PDK3: variants seen among roughly 807,000 people sequenced by gnomAD.
PDK3 encodes pyruvate dehydrogenase kinase, isozyme 3.
A neutral mutation model predicts 32.0 loss-of-function variants in PDK3; 12 were observed. That is an observed-to-expected ratio of 0.37 (90% CI 0.24 to 0.61). The LOEUF (loss-of-function observed/expected upper bound fraction) is 0.61. PDK3 is among the 20% of genes least tolerant of loss of function. The pLI, the probability that PDK3 is intolerant of heterozygous loss-of-function variation, is 0.65. For synonymous variants in PDK3, 122 were observed against 116.3 expected (o/e 1.05, Z -0.31); for missense variants, 188 against 316.9 (o/e 0.59, Z 3.09).
At chrX:24,510,680 C>T (rs953762252) in intron 5 of PDK3, among the ~76,000 whole-genome samples, 3 of 112,036 alleles carry the variant, frequency 2.7e-5, no homozygotes, top group Non-Finnish European at 5.6e-5. Context: ...TGGTAGAAGC[C>T]TCTATCCTGC....
At chrX:24,500,914 A>G (rs1464225704) in intron 3 of PDK3, among the ~76,000 whole-genome samples, 2 of 111,929 alleles carry the variant, frequency 1.8e-5, no homozygotes, top group Non-Finnish European at 3.8e-5. Flanking sequence ...CTCTACTATA[A>G]TGAATCGTTT....
intron 10 of PDK3, among the ~76,000 whole-genome samples, chrX:24,532,671 A>G (rs1228490169): frequency 8.9e-6 from 1 of 112,152 alleles, no homozygotes; most frequent in African/African-American, 3.2e-5. Flanking sequence ...CTGTTCAGCG[A>G]AGATCACCAC....
intron 5 of PDK3, among the ~76,000 whole-genome samples, chrX:24,508,164 G>C (rs1413108316): frequency 8.9e-6 from 1 of 111,734 alleles, no homozygotes; most frequent in African/African-American, 3.3e-5. Flanking sequence ...CATGGCAGAA[G>C]GGTGAAGGGG....
At chrX:24,473,438 T>TATTTATTTATTC (rs1182439602) in intron 1 of PDK3, among the ~76,000 whole-genome samples, 2 of 109,331 alleles carry the variant, frequency 1.8e-5, no homozygotes, top group Non-Finnish European at 3.8e-5. Context: ...TTTATTTATT[T>TATTTATTTATTC]ATTTATTTAC....
intron 1 of PDK3, among the ~76,000 whole-genome samples, chrX:24,470,407 C>T (rs1237135848): frequency 9.0e-6 from 1 of 111,333 alleles, no homozygotes; most frequent in Non-Finnish European, 1.9e-5. Flanking sequence ...TCCTACTTGG[C>T]TAGGCGCGGT....
intron 1 of PDK3, among the ~76,000 whole-genome samples, chrX:24,478,973 C>T (rs1274881360): frequency 3.6e-5 from 4 of 112,093 alleles, no homozygotes. Context: ...AAATATTTTG[C>T]CATGTGTTGC....
chrX:24,505,810 C>T (rs1349215065), intron 5 of PDK3, among the ~76,000 whole-genome samples: 2 of 111,603 alleles, frequency 1.8e-5, no homozygotes, highest in African/African-American at 3.3e-5. Flanking sequence ...CCCTGGTACC[C>T]AGGCACTTTG....
At chrX:24,514,040 T>C (rs1340765582) in intron 5 of PDK3, among the ~76,000 whole-genome samples, 2 of 111,834 alleles carry the variant, frequency 1.8e-5, no homozygotes, top group African/African-American at 6.5e-5. Context: ...TAGTCCAGCC[T>C]CTCATATTTT....
At chrX:24,479,473 A>G (rs746950617) in intron 1 of PDK3, among the ~76,000 whole-genome samples, 3 of 111,544 alleles carry the variant, frequency 2.7e-5, no homozygotes, top group Non-Finnish European at 5.6e-5. Flanking sequence ...CAGTGAAGCT[A>G]TTGGAGAAGG....
downstream of PDK3, among the ~76,000 whole-genome samples, chrX:24,537,282 ATTTTTTTTTTTT>A (rs1167543267): frequency 3.0e-5 from 2 of 65,684 alleles, no homozygotes; most frequent in Non-Finnish European, 5.7e-5. Context: ...ACGCCTGGCT[ATTTTTTTTTTTT>A]TTTTTTTTTT....
intron 6 of PDK3, among the ~76,000 whole-genome samples, chrX:24,522,340 T>C (rs1425925040): frequency 9.0e-6 from 1 of 111,470 alleles, no homozygotes; most frequent in Non-Finnish European, 1.9e-5. Flanking sequence ...ACAAAAGCAT[T>C]TGACATGGTT....
intron 8 of PDK3, 128 bp downstream of exon 8, chrX:24,527,803 C>A: frequency 2.0e-6 from 1 of 495,168 alleles, no homozygotes; most frequent in Non-Finnish European, 3.4e-6. Context: ...TATGCTAGAT[C>A]CTTGGCTTAA....
At chrX:24,495,566 G>C (rs748408850) in intron 2 of PDK3, among the ~76,000 whole-genome samples, 3 of 112,200 alleles carry the variant, frequency 2.7e-5, no homozygotes, top group Non-Finnish European at 5.6e-5. Context: ...TATTAGAAAG[G>C]GTACAATTCA....
At chrX:24,531,433 T>C (rs1265362930) in intron 9 of PDK3, among the ~76,000 whole-genome samples, 1 of 112,515 alleles carries the variant, frequency 8.9e-6, no homozygotes, top group Non-Finnish European at 1.9e-5. Flanking sequence ...AAAATTAGAA[T>C]ATTTCTATTA....
downstream of PDK3, chrX:24,534,536 TG>T (rs1922730427): frequency 8.7e-6 from 1 of 114,489 alleles, no homozygotes; most frequent in Non-Finnish European, 1.8e-5. Context: ...CATTGTTTCA[TG>T]GGTACAAAGT....
chrX:24,487,096 A>G (rs1167819326), intron 1 of PDK3, among the ~76,000 whole-genome samples: 1 of 112,683 alleles, frequency 8.9e-6, no homozygotes, highest in Non-Finnish European at 1.9e-5. Context: ...GAAACAAAAC[A>G]AACATTTTAA....
chrX:24,507,011 A>G (rs1309129022), intron 5 of PDK3, among the ~76,000 whole-genome samples: 1 of 109,466 alleles, frequency 9.1e-6, no homozygotes, highest in African/African-American at 3.3e-5. Context: ...GGGTTTCACC[A>G]TGTTGGCCAG....
At chrX:24,534,936 G>A (rs899579510), downstream of PDK3, among the ~76,000 whole-genome samples, 1 of 111,886 alleles carries the variant, frequency 8.9e-6, no homozygotes, top group African/African-American at 3.2e-5. Flanking sequence ...CCAGCCTGGG[G>A]GACAGAATAA....
At chrX:24,522,180 C>A (rs1478815919) in intron 6 of PDK3, among the ~76,000 whole-genome samples, 1 of 111,994 alleles carries the variant, frequency 8.9e-6, no homozygotes, top group African/African-American at 3.2e-5. Context: ...TTGAGCATGA[C>A]AAACCTAGGC....
Sources: allele counts gnomAD v4.1 joint callset (sites outside exome capture counted in the v4.1 genomes callset), GRCh38; gene constraint gnomAD v4.1.1; transcripts MANE v1.5; gene names NCBI Gene and HGNC (gene_info 2026-07-23, HGNC 2026-07-21).